WNT11: variants seen among roughly 807,000 people sequenced by gnomAD.
The protein encoded by WNT11 is protein Wnt-11.
WNT11 carries 20 observed loss-of-function variants against 35.6 expected under a neutral mutation model. The ratio of observed to expected loss-of-function variants is 0.56; its 90% confidence interval spans 0.40 to 0.82. The LOEUF is 0.82. WNT11 is among the 40% of genes least tolerant of loss of function. WNT11 has a pLI of 0.00. For missense variants in WNT11, 459 were observed against 504.4 expected, an observed-to-expected ratio of 0.91 and a Z score of 0.86; for synonymous variants, 200 against 211.9, an observed-to-expected ratio of 0.94 and a Z score of 0.49.
At chr11:76,209,822 C>G (rs1591317132), upstream of WNT11, among the ~76,000 whole-genome samples, 1 of 150,520 alleles carries the variant, frequency 6.6e-6, no homozygotes, top group African/African-American at 2.5e-5. Flanking sequence ...GCGTGGAGCT[C>G]GTGCGCGAGC....
chr11:76,191,984 T>C (rs1953193222), intron 3 of WNT11, 128 bp from the exon 4 acceptor site: 1 of 1,207,790 alleles, frequency 8.3e-7, no homozygotes, highest in African/African-American at 1.5e-5. Flanking sequence ...TCTGAAGTGA[T>C]AGAGCTTTTT....
intron 1 of WNT11, among the ~76,000 whole-genome samples, chr11:76,205,369 T>C (rs917448441): frequency 1.3e-5 from 2 of 151,432 alleles, no homozygotes; most frequent in African/African-American, 4.9e-5. Flanking sequence ...TGTCCTGGAC[T>C]TTCCCTCTCA....
At chr11:76,210,288 AG>A, upstream of WNT11, 1 of 422,280 alleles carries the variant, frequency 2.4e-6, no homozygotes, top group Non-Finnish European at 3.2e-6. Context: ...CGCTCCGCAA[AG>A]GGGAACTCTT....
intron 4 of WNT11, among the ~76,000 whole-genome samples, chr11:76,187,539 C>A (rs993345056): frequency 1.3e-5 from 2 of 150,386 alleles, no homozygotes; most frequent in Non-Finnish European, 1.5e-5. Context: ...TCATGGCTCC[C>A]TGCAGCCTTG....
chr11:76,204,498 C>T (rs1953439424), intron 1 of WNT11, among the ~76,000 whole-genome samples: 1 of 152,220 alleles, frequency 6.6e-6, no homozygotes. Flanking sequence ...TCCAAATCCT[C>T]CCTGTCCTTC....
chr11:76,188,071 G>C (rs146673575), intron 4 of WNT11, among the ~76,000 whole-genome samples: 2 of 152,324 alleles, frequency 1.3e-5, no homozygotes, highest in East Asian at 3.9e-4. Flanking sequence ...GAGATGTCAA[G>C]ATCATTTGAT....
chr11:76,196,476 C>T lies in WNT11; in HGVS notation c.319+7G>A, dbSNP rs1194558676. The T allele has an allele frequency of 1.2e-6, 2 of 1,612,968 alleles. No individual in the cohort carries two copies. The highest frequency in any genetic ancestry group is 1.7e-6 in the Non-Finnish European group (2 of 1,179,858). On this transcript the variant is annotated splice_region_variant and intron_variant, in intron 2 of 4. Coordinates refer to ENST00000322563, the MANE Select transcript of WNT11 (RefSeq NM_004626.3). ...CACATGCATTCAGCAGCCTCGCCAGCTCCTACCTCTCTCCAGGTCAAGCAA... is the reference window on the plus strand; with the variant it reads ...CACATGCATTCAGCAGCCTCGCCAGTTCCTACCTCTCTCCAGGTCAAGCAA...
At chr11:76,206,552 G>A (rs1434197066), upstream of WNT11, 3 of 1,219,496 alleles carry the variant, frequency 2.5e-6, no homozygotes, top group African/African-American at 1.6e-5. Flanking sequence ...GGGCGGGGGA[G>A]GCGTTTTATT....
chr11:76,200,358 G>C (rs1953355845), intron 1 of WNT11, among the ~76,000 whole-genome samples: 1 of 152,216 alleles, frequency 6.6e-6, no homozygotes, highest in South Asian at 2.1e-4. Flanking sequence ...GGAACCTGTT[G>C]CTGAACCCTG....
intron 1 of WNT11, among the ~76,000 whole-genome samples, chr11:76,202,443 G>A (rs902510340): frequency 6.6e-6 from 1 of 152,120 alleles, no homozygotes; most frequent in Admixed American, 6.5e-5. Flanking sequence ...TCCTTTCCCC[G>A]TGTCTCTTTG....
At chr11:76,207,567 G>T (rs1406522479), upstream of WNT11, among the ~76,000 whole-genome samples, 2 of 152,132 alleles carry the variant, frequency 1.3e-5, no homozygotes, top group South Asian at 4.1e-4. Flanking sequence ...TCTCGGTGTG[G>T]GAAGGGGAGG....
At chr11:76,206,587 C>T, upstream of WNT11, 1 of 1,176,516 alleles carries the variant, frequency 8.5e-7, no homozygotes, top group South Asian at 4.3e-5. Flanking sequence ...GGGGTCGGGG[C>T]CCGGGGAGGC....
intron 1 of WNT11, among the ~76,000 whole-genome samples, chr11:76,205,625 G>A (rs1953459548): frequency 6.6e-6 from 1 of 152,206 alleles, no homozygotes; most frequent in South Asian, 2.1e-4. Flanking sequence ...CAGCTCCTCC[G>A]GGAAGGGGCT....
chr11:76,191,588 A>C lies in WNT11; in HGVS notation c.866T>G (p.Val289Gly). 1.2e-5 allele frequency: 20 copies of C among 1,611,726 alleles called. No individual in the cohort carries two copies. Among genetic ancestry groups the C allele is most frequent in the Non-Finnish European group, 1.7e-5 (20 of 1,178,202 alleles). The change falls in exon 4 of 5, where the codon GTG becomes GGG. Residue 289 changes from valine to glycine, a missense_variant. Transcript: ENST00000322563. ...SPDFCMKNEK[V>G]GSHGTQDRQC... is the part of the protein sequence containing the mutation. ...CCTGTCTTGTGTCCCGTGGGAGCCC[A>C]CCTTCTCATTCTTCATGCAGAAGTC...
chr11:76,210,178 GGGGCCGGGCCGGGAAAGTTCGAGGA>G (rs1298323957), upstream of WNT11, among the ~76,000 whole-genome samples: 2 of 152,020 alleles, frequency 1.3e-5, no homozygotes, highest in Admixed American at 6.5e-5. Flanking sequence ...GCAGAAGAGG[GGGGCCGGGCCGGGAAAGTTCGAGGA>G]GGGCCGCAGG....
intron 1 of WNT11, among the ~76,000 whole-genome samples, chr11:76,204,677 C>A (rs1953443248): frequency 6.6e-6 from 1 of 152,226 alleles, no homozygotes; most frequent in South Asian, 2.1e-4. Context: ...GTACCCATTT[C>A]TGTGGCAGCC....
chr11:76,194,954 G>T lies in WNT11; in HGVS notation c.320-110C>A. On this transcript the variant is annotated intron_variant, in intron 2 of 4. Transcript: ENST00000322563. This position sits in a 1 kb window ranked among gnomAD's most constrained non-coding sequence, Gnocchi z 5.4. ...CCCTGCTGTAACCAAGGTGACGCCAGCAGGGGTCGGCACTAGGGCCATTGA... is the reference window on the plus strand; with the variant it reads ...CCCTGCTGTAACCAAGGTGACGCCATCAGGGGTCGGCACTAGGGCCATTGA... 7.6e-7 allele frequency: 1 copy of T among 1,321,444 alleles called. No individual in the cohort carries two copies. Among genetic ancestry groups the T allele is most frequent in the Non-Finnish European group, 1.0e-6 (1 of 997,372 alleles). 81.9% of individuals were successfully genotyped at this position (1,321,444 alleles called of 1,614,324 possible). A position where few individuals can be genotyped will look rare whatever the true frequency, so the allele number is the denominator to read the frequency against.
intron 3 of WNT11, 77 bp from the exon 4 acceptor site, chr11:76,191,933 C>A (rs1322037948): frequency 1.4e-6 from 2 of 1,477,032 alleles, no homozygotes; most frequent in Non-Finnish European, 9.0e-7. Context: ...GCCCCACCCA[C>A]CCATGGCTGG....
At chr11:76,199,756 A>G (rs575140712) in intron 1 of WNT11, among the ~76,000 whole-genome samples, 1 of 152,270 alleles carries the variant, frequency 6.6e-6, no homozygotes, top group East Asian at 1.9e-4. Context: ...GTGACACTGC[A>G]CTCCAGCCTG....
Sources: gnomAD v4.1 joint callset for allele counts (sites outside exome capture counted in the v4.1 genomes callset) on GRCh38, gnomAD v4.1.1 for gene constraint, Gnocchi (gnomAD v3.1) non-coding constraint, MANE v1.5 for transcripts, NCBI Gene and HGNC (gene_info 2026-07-23, HGNC 2026-07-21) for gene names.